MYT1L: variants seen among roughly 807,000 people sequenced by gnomAD.
The protein encoded by MYT1L is myelin transcription factor 1 like, also known as myelin transcription factor 1-like protein.
A neutral mutation model predicts 126.7 loss-of-function variants in MYT1L; 12 were observed. The observed-to-expected ratio is 0.09, with a 90% CI of 0.06 to 0.15. The LOEUF (loss-of-function observed/expected upper bound fraction) is 0.15. MYT1L is among the 10% of genes least tolerant of loss of function. MYT1L has a pLI of 1.00. For synonymous variants in MYT1L, 541 were observed against 604.2 expected (o/e 0.90, Z 1.53); for missense variants, 979 against 1,585.2 (o/e 0.62, Z 6.49).
chr2:2,138,528 G>A (rs1486505197), intron 3 of MYT1L, among the ~76,000 whole-genome samples: 1 of 146,340 alleles, frequency 6.8e-6, no homozygotes, highest in African/African-American at 2.5e-5. Context: ...AAAATGATGA[G>A]TTCATGTCCT....
chr2:2,306,187 A>T (rs1169571049), intron 1 of MYT1L: 1 of 152,118 alleles, frequency 6.6e-6, no homozygotes, highest in Non-Finnish European at 1.5e-5. Context: ...AAAAAGGAAG[A>T]CTTCCTCTCC....
intron 2 of MYT1L, among the ~76,000 whole-genome samples, chr2:2,215,041 A>C (rs755745735): frequency 2.0e-5 from 3 of 152,208 alleles, no homozygotes; most frequent in Non-Finnish European, 4.4e-5. Context: ...TACACATCCA[A>C]AGCGATGACT....
chr2:2,005,135 C>G (rs889284826), intron 4 of MYT1L, among the ~76,000 whole-genome samples: 1 of 149,922 alleles, frequency 6.7e-6, no homozygotes, highest in African/African-American at 2.5e-5. Flanking sequence ...TTCCTGCATG[C>G]ATTCTTTCCT....
intron 3 of MYT1L, among the ~76,000 whole-genome samples, chr2:2,154,855 A>G (rs538544503): frequency 1.3e-5 from 2 of 152,324 alleles, no homozygotes; most frequent in Admixed American, 6.5e-5. Flanking sequence ...GGCCGGGTGC[A>G]GTGGCTCATG....
Position 1,831,491 on chromosome 2 carries a change from A to G in MYT1L, c.3080+7658T>C, listed in dbSNP as rs1186679525. Among the ~76,000 whole-genome samples, 3 of 152,020 alleles carry G rather than the reference A, an allele frequency of 2.0e-5. No individual in the cohort carries two copies. The East Asian group carries it at 5.8e-4, about 29-fold the overall frequency. On this transcript the variant is annotated intron_variant, in intron 21 of 24. Transcript: ENST00000647738. ...GTTCCTCCCCTCTCGTCTGGTCTGC[A>G]TTTCTAGAACCATTAGTCATGTCCT...
At chr2:2,286,970 CACAG>C (rs1167007109) in intron 1 of MYT1L, among the ~76,000 whole-genome samples, 2 of 152,146 alleles carry the variant, frequency 1.3e-5, no homozygotes, top group African/African-American at 4.8e-5. Context: ...CAGACACACA[CACAG>C]ACAAACACAC....
intron 2 of MYT1L, among the ~76,000 whole-genome samples, chr2:2,282,655 T>C (rs2095464896): frequency 6.6e-6 from 1 of 152,218 alleles, no homozygotes; most frequent in South Asian, 2.1e-4. Context: ...TAAAACCATG[T>C]TTATAAGGCA....
chr2:2,150,818 G>C (rs2085638043), intron 3 of MYT1L, among the ~76,000 whole-genome samples: 2 of 148,794 alleles, frequency 1.3e-5, no homozygotes, highest in African/African-American at 2.5e-5. Context: ...GAAAGAGAGG[G>C]AGTGAAGAGG....
chr2:1,794,179 G>A (rs1053639941), intron 23 of MYT1L, among the ~76,000 whole-genome samples: 2 of 152,208 alleles, frequency 1.3e-5, no homozygotes, highest in African/African-American at 4.8e-5. Flanking sequence ...CTTTGCATCT[G>A]GTGGCTTTCC....
At chr2:1,927,225 A>G (rs1213536163) in intron 9 of MYT1L, among the ~76,000 whole-genome samples, 1 of 151,976 alleles carries the variant, frequency 6.6e-6, no homozygotes, top group Non-Finnish European at 1.5e-5. Context: ...TCAGTGGCTG[A>G]TCTCATGGGC....
intron 3 of MYT1L, among the ~76,000 whole-genome samples, chr2:2,094,102 T>C (rs2077181463): frequency 6.6e-6 from 1 of 152,196 alleles, no homozygotes; most frequent in African/African-American, 2.4e-5. Flanking sequence ...AGCCTTGTAG[T>C]ATAGTTTGAA....
At chr2:1,863,468 T>C (rs11674865) in intron 18 of MYT1L, among the ~76,000 whole-genome samples, 9,593 of 152,234 alleles carry the variant, frequency 0.063, 366 homozygotes, top group Non-Finnish European at 0.072. Context: ...TCAGATGTGT[T>C]GAGATTCCGA....
chr2:2,229,440 C>T lies in MYT1L; in HGVS notation c.-421+54964G>A, dbSNP rs1408944162. On this transcript the variant is annotated intron_variant, in intron 2 of 24. Transcript: ENST00000647738. The stretch of plus-strand genomic sequence containing the variant: ...AAAGATAGTCTCATAGGATTTCTTT[C>T]TTTCTTTTTTTTTTGTGTGTGGATA... Among the ~76,000 whole-genome samples, 3 of 151,690 alleles carry T rather than the reference C, an allele frequency of 2.0e-5. No homozygotes were observed. In the South Asian group the frequency reaches 6.2e-4, roughly 32 times the overall value.
At chr2:1,825,144 C>T (rs149948440) in intron 21 of MYT1L, 1 of 152,374 alleles carries the variant, frequency 6.6e-6, no homozygotes, top group African/African-American at 2.4e-5. Context: ...CACGCCACTC[C>T]CCTGCCTTCC....
intron 8 of MYT1L, among the ~76,000 whole-genome samples, chr2:1,951,986 C>T (rs1340425928): frequency 1.3e-5 from 2 of 152,170 alleles, no homozygotes; most frequent in Non-Finnish European, 2.9e-5. Context: ...AAAACCAATT[C>T]AGTTTTAACT....
At chr2:2,167,902 G>A (rs2089418931) in intron 3 of MYT1L, among the ~76,000 whole-genome samples, 1 of 152,088 alleles carries the variant, frequency 6.6e-6, no homozygotes, top group Admixed American at 6.5e-5. Flanking sequence ...ATAACATCTG[G>A]CATGTAGTAG....
At position 1,917,295 on chromosome 2, in the gene MYT1L, C is replaced by T. The variant is rs1469947939; in HGVS notation, c.1528G>A (p.Gly510Arg). Residue 510 changes from glycine (G) to arginine (R), a missense_variant, in exon 11 of 25, where the codon GGG becomes AGG. Gly to Arg is a moderately radical substitution (Grantham distance 125). Around this residue, in one of 12 missense-constraint regions of MYT1L, gnomAD observed 8 missense variants for 52.3 expected, o/e 0.15. Transcript: ENST00000647738. This position sits in a 1 kb window ranked among gnomAD's most constrained non-coding sequence, Gnocchi z 5.9. The stretch of plus-strand genomic sequence containing the variant: ...GTTACGTGGCCGGTTCCATCACACC[C>T]GGGGGTTGGACACTTGCTCTCTTTC... ...EKKESKCPTPGCDGTGHVTGL... is the reference protein window; with the variant it reads ...EKKESKCPTPRCDGTGHVTGL... 2.5e-6 allele frequency: 4 copies of T among 1,612,616 alleles called. No individual in the cohort carries two copies. The highest frequency in any genetic ancestry group is 2.7e-5 in the African/African-American group (2 of 74,882).
At chr2:2,095,827 C>T (rs2077400817) in intron 3 of MYT1L, among the ~76,000 whole-genome samples, 1 of 152,218 alleles carries the variant, frequency 6.6e-6, no homozygotes, top group South Asian at 2.1e-4. Context: ...GTCCAGCTGT[C>T]ATACTTGGGT....
intron 2 of MYT1L, among the ~76,000 whole-genome samples, chr2:2,265,400 CAGTT>C (rs1191265180): frequency 6.6e-5 from 10 of 151,202 alleles, no homozygotes; most frequent in South Asian, 4.2e-4. Flanking sequence ...GTAAGTGAAA[CAGTT>C]GGTACATAGC....
Sources: gnomAD v4.1 joint callset for allele counts (sites outside exome capture counted in the v4.1 genomes callset) on GRCh38, gnomAD v4.1.1 for gene constraint, gnomAD v4.1.1 regional missense constraint, Gnocchi (gnomAD v3.1) non-coding constraint, MANE v1.5 for transcripts, NCBI Gene and HGNC (gene_info 2026-07-23, HGNC 2026-07-21) for gene names.